TBC1D31: variants seen among roughly 807,000 people sequenced by gnomAD.
TBC1D31 encodes the protein WD repeat domain 67.
Under a neutral mutation model 132.9 loss-of-function variants are expected in TBC1D31, and 99 were observed. That is an observed-to-expected ratio of 0.74 (90% CI 0.63 to 0.88). TBC1D31 has a LOEUF of 0.88. TBC1D31 is among the 40% of genes least tolerant of loss of function. The probability of loss-of-function intolerance (pLI) is 0.00; values close to 1 mark genes in which losing one functional copy is unlikely to be tolerated. For missense variants in TBC1D31, 1,134 were observed against 1,256.6 expected (o/e 0.90, Z 1.48); for synonymous variants, 385 against 419.4 (o/e 0.92, Z 1.00).
At chr8:123,156,824 C>G (rs921280955), downstream of TBC1D31, among the ~76,000 whole-genome samples, 17 of 152,228 alleles carry the variant, frequency 1.1e-4, no homozygotes, top group African/African-American at 3.9e-4. Flanking sequence ...CGGCCCACAC[C>G]GTGTTCCCAG....
intron 17 of TBC1D31, among the ~76,000 whole-genome samples, chr8:123,139,417 C>A (rs1458494869): frequency 6.6e-6 from 1 of 152,138 alleles, no homozygotes; most frequent in Non-Finnish European, 1.5e-5. Flanking sequence ...AGTCCCTATT[C>A]TTTGTTGTAT....
At chr8:123,079,026 C>G (rs938740995) in intron 2 of TBC1D31, among the ~76,000 whole-genome samples, 1 of 152,148 alleles carries the variant, frequency 6.6e-6, no homozygotes, top group African/African-American at 2.4e-5. Context: ...TGATATTCCT[C>G]CCAAGATATA....
In TBC1D31 at chr8:123,097,420, T is replaced by C; in HGVS notation, c.810T>C (p.Ser270=). Residue 270 remains serine, a synonymous_variant, in exon 6 of 22, where the codon AGT becomes AGC. Transcript: ENST00000287380. ...AIRHLEFLPD[S]FDAGSNQVLG... ...GCCATCTGGAATTTCTTCCTGATAG[T>C]TTTGATGCTGGTTCTAATCAGGTTA... 11 of 1,614,224 alleles carry C rather than the reference T, an allele frequency of 6.8e-6. No individual in the cohort carries two copies. The highest frequency in any genetic ancestry group is 9.3e-6 in the Non-Finnish European group (11 of 1,180,028).
Position 123,128,531 on chromosome 8 carries a change from T to C in TBC1D31, c.2117+18T>C. 1.3e-6 allele frequency: 2 copies of C among 1,505,554 alleles called. No homozygotes were observed. Among genetic ancestry groups the C allele is most frequent in the East Asian group, 4.5e-5 (2 of 44,238 alleles). The allele number at this position is 1,505,554 out of a possible 1,614,324, so 93.3% of individuals were successfully genotyped here. ...AGAGAGAGGTAATTATGGAATAGTT[T>C]TTCTTTTTCTGATACAATGAAATAT... On this transcript the variant is annotated intron_variant, in intron 14 of 21. Transcript: ENST00000287380.
intron 11 of TBC1D31, among the ~76,000 whole-genome samples, chr8:123,124,703 G>C (rs1271089911): frequency 1.3e-5 from 2 of 151,734 alleles, no homozygotes; most frequent in African/African-American, 2.4e-5. Context: ...CAAGGTGGGT[G>C]GATCAACTGA....
At chr8:123,147,742 G>C (rs1246867088) in intron 20 of TBC1D31, among the ~76,000 whole-genome samples, 1 of 152,116 alleles carries the variant, frequency 6.6e-6, no homozygotes, top group Non-Finnish European at 1.5e-5. Context: ...ATGACTGAAT[G>C]ATGTGTCAGT....
At chr8:123,157,311 A>G in the TBC1D31 span, among the ~76,000 whole-genome samples, 2 of 152,252 alleles carry the variant, frequency 1.3e-5, no homozygotes, top group Non-Finnish European at 2.9e-5. Context: ...GCACCTAGTA[A>G]GGGTTTCCGG....
At chr8:123,077,533 A>ATTTTTTTTTTTT (rs33948089) in intron 2 of TBC1D31, among the ~76,000 whole-genome samples, 1 of 143,482 alleles carries the variant, frequency 7.0e-6, no homozygotes, top group Non-Finnish European at 1.5e-5. Flanking sequence ...ATTATTGCTA[A>ATTTTTTTTTTTT]TTTTTTTTTT....
At chr8:123,130,623 C>CT (rs774112527) in intron 16 of TBC1D31, among the ~76,000 whole-genome samples, 1,422 of 136,048 alleles carry the variant, frequency 0.01, 14 homozygotes, top group African/African-American at 0.022. Context: ...CTTTTCTTTT[C>CT]TTTTTTTTTT....
intron 7 of TBC1D31, among the ~76,000 whole-genome samples, chr8:123,101,744 T>C (rs1375355572): frequency 6.6e-6 from 1 of 152,154 alleles, no homozygotes; most frequent in Non-Finnish European, 1.5e-5. Context: ...TCTGTAAATG[T>C]GCTGTCTGTT....
chr8:123,157,395 C>T, the TBC1D31 span, among the ~76,000 whole-genome samples: 1 of 152,138 alleles, frequency 6.6e-6, no homozygotes, highest in African/African-American at 2.4e-5. Flanking sequence ...CTGTAAATCC[C>T]GTCCAGAATA....
intron 4 of TBC1D31, among the ~76,000 whole-genome samples, chr8:123,091,307 T>G (rs1816301156): frequency 6.6e-6 from 1 of 152,218 alleles, no homozygotes; most frequent in African/African-American, 2.4e-5. Flanking sequence ...TTGATGCTCA[T>G]TAACTTTTAA....
In TBC1D31 at chr8:123,082,732, T is replaced by C. The variant is rs769229128; in HGVS notation, c.255T>C (p.Ala85=). The change falls in exon 3 of 22, where the codon GCT becomes GCC. Residue 85 remains alanine, a synonymous_variant. Transcript: ENST00000287380. ...ATCTTGTTCAGCGAACAGCACAAGC[T>C]TGCACAGCTCTGGCCTTTAATCTTC... ...RFNLVQRTAQ[A]CTALAFNLRR... is the part of the protein sequence containing the mutation. 11 of 1,612,792 alleles carry C rather than the reference T, an allele frequency of 6.8e-6. No homozygotes were observed. In the Admixed American group the frequency reaches 8.3e-5, roughly 12 times the overall value.
intron 10 of TBC1D31, among the ~76,000 whole-genome samples, chr8:123,112,634 G>C (rs1818559924): frequency 6.6e-6 from 1 of 152,088 alleles, no homozygotes; most frequent in South Asian, 2.1e-4. Context: ...TGAACATGTA[G>C]ATTATTTTCA....
chr8:123,114,689 T>G (rs1818757997), intron 10 of TBC1D31, among the ~76,000 whole-genome samples: 1 of 152,218 alleles, frequency 6.6e-6, no homozygotes, highest in South Asian at 2.1e-4. Flanking sequence ...ATATTCCTTC[T>G]TTGTAAAATA....
At chr8:123,132,295 C>T (rs74485631) in intron 16 of TBC1D31, among the ~76,000 whole-genome samples, 2,307 of 150,994 alleles carry the variant, frequency 0.015, 51 homozygotes, top group African/African-American at 0.053. Flanking sequence ...TTTTGGAATT[C>T]TCACCTCTCC....
chr8:123,127,552 C>T (rs1313129344), intron 13 of TBC1D31, among the ~76,000 whole-genome samples: 1 of 151,950 alleles, frequency 6.6e-6, no homozygotes, highest in Non-Finnish European at 1.5e-5. Context: ...GGATTACAGG[C>T]ATGAGCCACC....
intron 20 of TBC1D31, among the ~76,000 whole-genome samples, chr8:123,148,839 G>GCCGACATGGCCAACATGA (rs1822499537): frequency 6.6e-6 from 1 of 152,044 alleles, no homozygotes; most frequent in Non-Finnish European, 1.5e-5. Flanking sequence ...GTTCGACCTG[G>GCCGACATGGCCAACATGA]CCGACATGGC....
intron 1 of TBC1D31, 114 bp downstream of exon 1, chr8:123,072,960 C>G: frequency 9.2e-7 from 1 of 1,085,356 alleles, no homozygotes. Context: ...CCCCGCATCC[C>G]TGGGTTGGAT....
Sources: allele counts gnomAD v4.1 joint callset (sites outside exome capture counted in the v4.1 genomes callset), GRCh38; gene constraint gnomAD v4.1.1; transcripts MANE v1.5; gene names NCBI Gene and HGNC (gene_info 2026-07-23, HGNC 2026-07-21).